SELENOI: variants seen among roughly 807,000 people sequenced by gnomAD.
SELENOI encodes the protein selenoprotein I.
Under a neutral mutation model 50.7 loss-of-function variants are expected in SELENOI, and 24 were observed. The ratio of observed to expected loss-of-function variants is 0.47; its 90% confidence interval spans 0.34 to 0.67. SELENOI has a LOEUF of 0.67. Ranked by LOEUF, SELENOI falls within the 30% of genes least tolerant of loss-of-function variation. The pLI, the probability that SELENOI is intolerant of heterozygous loss-of-function variation, is 0.01. For synonymous variants in SELENOI, 155 were observed against 170.2 expected (o/e 0.91, Z 0.70); for missense variants, 352 against 461.4 (o/e 0.76, Z 2.17).
rs557338155 is a variant in SELENOI, at chr2:26,351,959, T to G, written c.57+5670T>G. Among the ~76,000 whole-genome samples, 4 of 152,266 alleles carry G rather than the reference T, an allele frequency of 2.6e-5. No homozygotes were observed. In the South Asian group the frequency reaches 8.3e-4, roughly 32 times the overall value. On this transcript the variant is annotated intron_variant, in intron 1 of 9. Transcript: ENST00000260585. Reference sequence around the variant, plus strand: ...TAGTTTGAGACCAGCTGGGACAATATGGTGAAACCCAGTTTCACCAAAAAT... The same window carrying G: ...TAGTTTGAGACCAGCTGGGACAATAGGGTGAAACCCAGTTTCACCAAAAAT...
chr2:26,357,772 G>A lies in SELENOI; in HGVS notation c.58-6530G>A, dbSNP rs1476950068. Reference sequence around the variant, plus strand: ...TGTACATGTGGTTATTTTTTAAGGGGTGTGGGGAGCAGTGTCTTGCTTTGT... The same window carrying A: ...TGTACATGTGGTTATTTTTTAAGGGATGTGGGGAGCAGTGTCTTGCTTTGT... On this transcript the variant is annotated intron_variant, in intron 1 of 9. Transcript: ENST00000260585. Among the ~76,000 whole-genome samples the A allele has an allele frequency of 2.0e-5, 3 of 152,160 alleles. No homozygotes were observed. The South Asian group carries it at 6.2e-4, about 32-fold the overall frequency.
At chr2:26,365,241 T>A (rs894110281) in intron 3 of SELENOI, among the ~76,000 whole-genome samples, 3 of 152,220 alleles carry the variant, frequency 2.0e-5, no homozygotes, top group African/African-American at 7.2e-5. Context: ...TTTCTAGTCA[T>A]GAAAGAAAAA....
intron 6 of SELENOI, among the ~76,000 whole-genome samples, chr2:26,377,200 T>C (rs1190389168): frequency 6.6e-6 from 1 of 152,256 alleles, no homozygotes; most frequent in African/African-American, 2.4e-5. Context: ...TCTATGGCTT[T>C]ATTAAGTTTT....
chr2:26,355,279 G>A (rs1447596848), intron 1 of SELENOI, among the ~76,000 whole-genome samples: 3 of 152,238 alleles, frequency 2.0e-5, no homozygotes, highest in Non-Finnish European at 2.9e-5. Context: ...GGGTGGCAAC[G>A]TAATGGACAG....
rs1322418355 is a variant in SELENOI, at chr2:26,353,689, A to G, written c.57+7400A>G. ...ATTATTTCTGCAGTTGGCAGAGACA[A>G]GAAGGATGGGTGGAAAACTGCAGAA... On this transcript the variant is annotated intron_variant, in intron 1 of 9. Transcript: ENST00000260585. Among the ~76,000 whole-genome samples, 3 of 152,196 alleles carry G rather than the reference A, an allele frequency of 2.0e-5. No individual in the cohort carries two copies. In the East Asian group the frequency reaches 5.8e-4, roughly 29 times the overall value.
At chr2:26,379,810 C>T (rs948660012) in intron 6 of SELENOI, among the ~76,000 whole-genome samples, 2 of 151,956 alleles carry the variant, frequency 1.3e-5, no homozygotes, top group Non-Finnish European at 2.9e-5. Flanking sequence ...TTTTACTTAA[C>T]CTCATTGATC....
chr2:26,368,348 G>A (rs1016854463), intron 4 of SELENOI, among the ~76,000 whole-genome samples: 11 of 152,186 alleles, frequency 7.2e-5, no homozygotes, highest in Admixed American at 7.2e-4. Context: ...AAGGACTGCT[G>A]AGAGGAATAG....
At chr2:26,357,713 G>A (rs77060822) in intron 1 of SELENOI, among the ~76,000 whole-genome samples, 1,983 of 152,074 alleles carry the variant, frequency 0.013, 44 homozygotes, top group African/African-American at 0.039. Context: ...CATAATACTC[G>A]GATAATTCCC....
chr2:26,373,081 G>T, intron 4 of SELENOI, among the ~76,000 whole-genome samples: 1 of 152,136 alleles, frequency 6.6e-6, no homozygotes, highest in East Asian at 1.9e-4. Flanking sequence ...TAAAGACAGA[G>T]TTTTGCTATG....
chr2:26,373,788 G>A (rs1330099862), intron 5 of SELENOI, among the ~76,000 whole-genome samples, 159 bp downstream of exon 5: 1 of 152,168 alleles, frequency 6.6e-6, no homozygotes, highest in Non-Finnish European at 1.5e-5. Flanking sequence ...AAATAGAATA[G>A]TATAGTGAAT....
intron 1 of SELENOI, among the ~76,000 whole-genome samples, chr2:26,348,975 C>T (rs968170084): frequency 7.0e-6 from 1 of 143,876 alleles, no homozygotes; most frequent in African/African-American, 2.5e-5. Context: ...TTGCCTCTAC[C>T]CATCCTTTGT....
chr2:26,360,291 C>G (rs1677148561), intron 1 of SELENOI, among the ~76,000 whole-genome samples: 1 of 152,164 alleles, frequency 6.6e-6, no homozygotes, highest in African/African-American at 2.4e-5. Context: ...GGCGAGAGCA[C>G]AGAGTTTTGC....
chr2:26,376,459 A>G (rs1041847593), intron 6 of SELENOI, among the ~76,000 whole-genome samples: 3 of 152,194 alleles, frequency 2.0e-5, no homozygotes, highest in African/African-American at 7.2e-5. Flanking sequence ...GGTATATGAG[A>G]CATATTTTTT....
intron 8 of SELENOI, 68 bp from the exon 9 acceptor site, chr2:26,386,286 G>A: frequency 1.4e-6 from 2 of 1,456,782 alleles, no homozygotes; most frequent in African/African-American, 1.4e-5. Context: ...GGAAAGACTA[G>A]TTTTGGAAGT....
chr2:26,349,745 T>G (rs973011771), intron 1 of SELENOI, among the ~76,000 whole-genome samples: 6 of 140,662 alleles, frequency 4.3e-5, no homozygotes, highest in Non-Finnish European at 7.5e-5. Context: ...GTGTAGCAGC[T>G]ACTTTGAAAT....
At chr2:26,366,239 G>T (rs1296629704) in intron 3 of SELENOI, among the ~76,000 whole-genome samples, 1 of 152,148 alleles carries the variant, frequency 6.6e-6, no homozygotes, top group Non-Finnish European at 1.5e-5. Context: ...AGCATGAGAA[G>T]ATCATAAAGT....
chr2:26,360,314 T>C (rs1677149226), intron 1 of SELENOI, among the ~76,000 whole-genome samples: 1 of 152,204 alleles, frequency 6.6e-6, no homozygotes. Flanking sequence ...CCTTCTATAA[T>C]CTATTAATCT....
chr2:26,348,767 T>C (rs1171744230), intron 1 of SELENOI, among the ~76,000 whole-genome samples: 2 of 151,186 alleles, frequency 1.3e-5, no homozygotes, highest in African/African-American at 2.4e-5. Context: ...TAAACAAATA[T>C]TGAAGGAATG....
chr2:26,374,343 T>C (rs1371005194), intron 5 of SELENOI, among the ~76,000 whole-genome samples: 1 of 152,144 alleles, frequency 6.6e-6, no homozygotes, highest in Non-Finnish European at 1.5e-5. Context: ...CTCCCTGCCT[T>C]GAATCCCAGC....
Sources: allele counts gnomAD v4.1 joint callset (sites outside exome capture counted in the v4.1 genomes callset), GRCh38; gene constraint gnomAD v4.1.1; transcripts MANE v1.5; gene names NCBI Gene and HGNC (gene_info 2026-07-23, HGNC 2026-07-21).